The following MICALL1 variants were observed in gnomAD, a reference collection of about 807,000 sequenced individuals.
MICALL1 encodes MICAL like 1, also known as MICAL-like protein 1.
In MICALL1, 61 loss-of-function variants were observed where a neutral mutation model predicts 83.7. The observed-to-expected ratio is 0.73, with a 90% confidence interval of 0.59 to 0.90. The LOEUF is 0.90. Among genes scored for constraint, MICALL1 ranks in the 40% least tolerant of loss-of-function variants. MICALL1 has a pLI of 0.00. For missense variants in MICALL1, 1,066 were observed against 1,152.0 expected, an observed-to-expected ratio of 0.93 and a Z score of 1.08; for synonymous variants, 481 against 473.6, an observed-to-expected ratio of 1.02 and a Z score of -0.20.
rs773925003 is a variant in MICALL1 at position 37,922,139 on chromosome 22, C to A, written c.737C>A (p.Ala246Glu). The change falls in exon 6 of 16, where the codon GCA becomes GAA. Residue 246 changes from alanine (A) to glutamate (E), a missense_variant. By Grantham distance (107) the Ala-to-Glu change is moderately radical (BLOSUM62 -1). Coordinates refer to ENST00000215957, the MANE Select transcript of MICALL1 (RefSeq NM_033386.4). ...QPKQQHQQQL[A>E]EDAKDVPGGG... ...AAGCAGCAGCACCAGCAGCAACTCG[C>A]AGAAGATGCCAAGGATGTTCCAGGA... is the stretch of plus-strand genomic sequence containing the variant. The A allele has an allele frequency of 1.2e-6, 2 of 1,613,142 alleles. No individual in the cohort carries two copies. Among genetic ancestry groups the A allele is most frequent in the African/African-American group, 2.7e-5 (2 of 74,922 alleles).
chr22:37,937,589 AC>A (rs1930206496), intron 14 of MICALL1, among the ~76,000 whole-genome samples, 156 bp from the exon 15 acceptor site: 1 of 151,794 alleles, frequency 6.6e-6, no homozygotes, highest in Non-Finnish European at 1.5e-5. Context: ...ACACCCAGCT[AC>A]TTTTTGTATT....
At chr22:37,912,043 GT>G in intron 2 of MICALL1, 43 bp downstream of exon 2, 1 of 219,704 alleles carries the variant, frequency 4.6e-6, no homozygotes, top group South Asian at 7.8e-5. Context: ...CTCTGTGTAT[GT>G]GTGTGTGTGT....
At chr22:37,912,023 G>A (rs767637102) in intron 2 of MICALL1, 23 bp downstream of exon 2, 1 of 1,610,350 alleles carries the variant, frequency 6.2e-7, no homozygotes, top group Non-Finnish European at 8.5e-7. Flanking sequence ...ACAGGTGGAA[G>A]CCCAAGAGGC....
At chr22:37,928,916 A>C (rs1205449627) in intron 9 of MICALL1, among the ~76,000 whole-genome samples, 4 of 152,160 alleles carry the variant, frequency 2.6e-5, no homozygotes, top group African/African-American at 9.7e-5. Context: ...TGAGGATAGG[A>C]GTTTGAGACC....
chr22:37,929,581 ATGGGCGTGGGGAGGTTCTGGC>A (rs1929676784), intron 9 of MICALL1, among the ~76,000 whole-genome samples: 1 of 152,130 alleles, frequency 6.6e-6, no homozygotes, highest in Admixed American at 6.5e-5. Context: ...CTCAGGTGAC[ATGGGCGTGGGGAGGTTCTGGC>A]TGGGCACCCA....
rs1281938393 is a variant in MICALL1, at chr22:37,906,370, C to G, written c.-53C>G. On this transcript the variant is annotated 5_prime_UTR_variant, in exon 1 of 16. Transcript: ENST00000215957. This position sits in a 1 kb window ranked among gnomAD's most constrained non-coding sequence, Gnocchi z 4.4. ...CGGGCCCGCGCGGCGGCCGCCGTCC[C>G]GGCCAAGCCGGGGCCCCGAAGCCAG... The G allele has an allele frequency of 8.7e-6, 9 of 1,036,766 alleles. No homozygotes were observed. Among genetic ancestry groups the G allele is most frequent in the Non-Finnish European group, 1.0e-5 (9 of 864,084 alleles). 64.2% of individuals were successfully genotyped at this position (1,036,766 alleles called of 1,614,324 possible).
chr22:37,922,650 C>A (rs1929148601), intron 6 of MICALL1, among the ~76,000 whole-genome samples: 1 of 123,276 alleles, frequency 8.1e-6, no homozygotes, highest in South Asian at 2.6e-4. Context: ...GCTCTTGTCC[C>A]CCAGGCTGGA....
In MICALL1 at chr22:37,919,098, G is replaced by A. The variant is rs1178667835; in HGVS notation, c.489G>A (p.Thr163=). 2.6e-6 allele frequency: 4 copies of A among 1,551,892 alleles called. No individual in the cohort carries two copies. Among genetic ancestry groups the A allele is most frequent in the Admixed American group, 1.9e-5 (1 of 51,302 alleles). ...EQGTGQTPSS[T]CAACQQHVHL... is the part of the protein sequence containing the mutation. ...GCACCGGCCAGACCCCCAGCAGCACGTGCGCAGCCTGCCAGCAGCATGTGC... is the reference window on the plus strand; with the variant it reads ...GCACCGGCCAGACCCCCAGCAGCACATGCGCAGCCTGCCAGCAGCATGTGC... Residue 163 remains threonine (T), a synonymous_variant, in exon 5 of 16, where the codon ACG becomes ACA. Transcript: ENST00000215957.
At chr22:37,912,321 C>T in intron 2 of MICALL1, 30 bp from the exon 3 acceptor site, 4 of 1,585,490 alleles carry the variant, frequency 2.5e-6, no homozygotes, top group South Asian at 1.1e-5. Flanking sequence ...GCTTCGGCTG[C>T]TCCCGCCCTT....
intron 5 of MICALL1, 141 bp downstream of exon 5, chr22:37,919,319 C>A: frequency 9.0e-7 from 1 of 1,107,604 alleles, no homozygotes; most frequent in Non-Finnish European, 1.2e-6. Context: ...ATGAGCAAAC[C>A]AAGGCTTAGT....
chr22:37,935,207 C>T (rs1396386077), intron 13 of MICALL1, among the ~76,000 whole-genome samples: 1 of 151,788 alleles, frequency 6.6e-6, no homozygotes, highest in Non-Finnish European at 1.5e-5. Context: ...GCTAGGATTA[C>T]AGGCGTGAGC....
At chr22:37,937,947 T>A in intron 15 of MICALL1, 155 bp downstream of exon 15, 1 of 922,252 alleles carries the variant, frequency 1.1e-6, no homozygotes, top group Non-Finnish European at 1.7e-6. Flanking sequence ...GGGCTGTGTG[T>A]AGCAAGAGAG....
chr22:37,920,748 C>T (rs138202501), intron 5 of MICALL1, among the ~76,000 whole-genome samples: 7,838 of 151,858 alleles, frequency 0.052, 664 homozygotes, highest in African/African-American at 0.18. Flanking sequence ...GGTGAAACCC[C>T]GTCTCTACTA....
In MICALL1 at chr22:37,942,261, CTCCAGGGCCTT is replaced by C. The variant is rs547443746; in HGVS notation, c.*1441_*1451del. ...GTTGACCTGGAGCTGGCGCCACCAA[CTCCAGGGCCTT>C]TCCAGGGCCAGACAGGTAACACGCA... On this transcript the variant is annotated 3_prime_UTR_variant, in exon 16 of 16. Transcript: ENST00000215957. The C allele has an allele frequency of 2.6e-5, 4 of 152,376 alleles. No individual in the cohort carries two copies. The highest frequency in any genetic ancestry group is 9.6e-5 in the African/African-American group (4 of 41,596). The allele number at this position is 152,376 out of a possible 1,614,324, so 9.4% of individuals were successfully genotyped here. A position where few individuals can be genotyped will look rare whatever the true frequency, so the allele number is the denominator to read the frequency against.
At chr22:37,912,092 G>T in intron 2 of MICALL1, 92 bp downstream of exon 2, 1 of 1,469,100 alleles carries the variant, frequency 6.8e-7, no homozygotes, top group Non-Finnish European at 9.5e-7. Context: ...GGTCTTGCAC[G>T]GTGGCTGCCC....
intron 8 of MICALL1, chr22:37,927,175 A>G: frequency 2.0e-6 from 1 of 507,686 alleles, no homozygotes; most frequent in Non-Finnish European, 3.5e-6. Context: ...AGTGTGGGGA[A>G]GTGGAGGCAG....
intron 3 of MICALL1, among the ~76,000 whole-genome samples, chr22:37,914,081 G>C (rs1369147439): frequency 6.6e-6 from 1 of 151,774 alleles, no homozygotes; most frequent in South Asian, 2.1e-4. Context: ...TCGCCACTTT[G>C]GCCAGGCTGG....
chr22:37,914,782 C>T (rs1395333467), intron 3 of MICALL1, among the ~76,000 whole-genome samples: 1 of 151,286 alleles, frequency 6.6e-6, no homozygotes. Context: ...GCTGGGACTA[C>T]TGGTGCATGC....
rs1172629276 is a variant in MICALL1, at chr22:37,930,554, G to T, written c.1882-1245G>T. ...CTTCTTGGAGCATCCCAGGTCTCAG[G>T]TGAGGCCTCTGTAAGGGGCTCGCAG... On this transcript the variant is annotated intron_variant, in intron 9 of 15. Coordinates refer to ENST00000215957, the MANE Select transcript of MICALL1 (RefSeq NM_033386.4). This position sits in a 1 kb window ranked among gnomAD's most constrained non-coding sequence, Gnocchi z 4.8. Among the ~76,000 whole-genome samples, 2 of 152,236 alleles carry T rather than the reference G, an allele frequency of 1.3e-5. No individual in the cohort carries two copies. Among genetic ancestry groups the T allele is most frequent in the Non-Finnish European group, 2.9e-5 (2 of 68,042 alleles).
Sources: gnomAD v4.1 joint callset for allele counts (sites outside exome capture counted in the v4.1 genomes callset) on GRCh38, gnomAD v4.1.1 for gene constraint, Gnocchi (gnomAD v3.1) non-coding constraint, MANE v1.5 for transcripts, NCBI Gene and HGNC (gene_info 2026-07-23, HGNC 2026-07-21) for gene names.